PTTG1: variants seen among roughly 807,000 people sequenced by gnomAD.
PTTG1 encodes securin.
In PTTG1, 8 loss-of-function variants were observed where a neutral mutation model predicts 20.0. That is an observed-to-expected ratio of 0.40 (90% CI 0.23 to 0.72). PTTG1 has a LOEUF of 0.72. PTTG1 is among the 30% of genes least tolerant of loss of function. The pLI is 0.38. For missense variants in PTTG1, 197 were observed against 236.0 expected, an observed-to-expected ratio of 0.83 and a Z score of 1.08; for synonymous variants, 79 against 87.2, an observed-to-expected ratio of 0.91 and a Z score of 0.52.
At chr5:160,423,362 C>G (rs1228458251) in intron 3 of PTTG1, among the ~76,000 whole-genome samples, 1 of 152,208 alleles carries the variant, frequency 6.6e-6, no homozygotes, top group Admixed American at 6.5e-5. Flanking sequence ...GCATGTTGAT[C>G]TTCGTGTGAG....
chr5:160,426,043 T>C (rs1348221177), intron 4 of PTTG1, among the ~76,000 whole-genome samples: 2 of 152,204 alleles, frequency 1.3e-5, no homozygotes, highest in African/African-American at 4.8e-5. Flanking sequence ...GAATGTTACC[T>C]AACACAATGG....
At chr5:160,422,604 TG>T (rs1200697805) in intron 2 of PTTG1, 104 bp from the exon 3 acceptor site, 9 of 1,326,914 alleles carry the variant, frequency 6.8e-6, no homozygotes, top group African/African-American at 1.5e-5. Context: ...CTACCAAAAG[TG>T]GGGGGTGGGT....
chr5:160,427,885 A>G lies in PTTG1; in HGVS notation c.529+12A>G, dbSNP rs780145186. The G allele has an allele frequency of 5.6e-6, 9 of 1,614,078 alleles. No individual in the cohort carries two copies. In the South Asian group the frequency reaches 7.7e-5, roughly 14 times the overall value. On this transcript the variant is annotated intron_variant, in intron 5 of 5. Coordinates refer to ENST00000352433, the MANE Select transcript of PTTG1 (RefSeq NM_004219.4). ...ACCATGGGAATCCAGTAAGTGAGCA[A>G]GTGCCCTTCTGGAAGGGCTGCAAAC...
At position 160,422,370 on chromosome 5, in the gene PTTG1, G is replaced by A. The variant is rs1461009511; in HGVS notation, c.58G>A (p.Ala20Thr). 5.0e-6 allele frequency: 8 copies of A among 1,614,110 alleles called. No homozygotes were observed. The change falls in exon 2 of 6, where the codon GCT (alanine) becomes ACT (threonine). Residue 20 changes from alanine (A) to threonine (T), a missense_variant. Coordinates refer to ENST00000352433, the MANE Select transcript of PTTG1 (RefSeq NM_004219.4). ...ENGEPGTRVVAKDGLKLGSGP... is the reference protein window; with the variant it reads ...ENGEPGTRVVTKDGLKLGSGP... ...TGGAGAACCAGGCACCCGTGTGGTT[G>A]CTAAGGATGGGCTGAAGCTGGGGTC...
chr5:160,428,487 A>G lies in PTTG1; in HGVS notation c.530-115A>G, dbSNP rs1211484008. ...AATGTGTCAGGAGGGGATGCAGGTG[A>G]TTGATTTGACAAAGGGAAAAACATG... On this transcript the variant is annotated intron_variant, in intron 5 of 5. Transcript: ENST00000352433. 3 of 912,238 alleles carry G rather than the reference A, an allele frequency of 3.3e-6. No individual in the cohort carries two copies. In the African/African-American group the frequency reaches 5.0e-5, roughly 15 times the overall value. 56.5% of individuals were successfully genotyped at this position (912,238 alleles called of 1,614,324 possible).
chr5:160,421,953 G>A, intron 1 of PTTG1, 62 bp downstream of exon 1: 1 of 192,898 alleles, frequency 5.2e-6, no homozygotes. Flanking sequence ...AAGGAGGCGG[G>A]CTGCGGCTGC....
chr5:160,427,343 A>G (rs1581086580), intron 4 of PTTG1, among the ~76,000 whole-genome samples: 2 of 152,236 alleles, frequency 1.3e-5, no homozygotes, highest in South Asian at 2.1e-4. Context: ...TTCTCATTTT[A>G]TCACACAGAA....
In PTTG1 at chr5:160,422,670, T is replaced by C. The variant is rs1165209235; in HGVS notation, c.92-39T>C. On this transcript the variant is annotated intron_variant, in intron 2 of 5. Transcript: ENST00000352433. ...CAGTATTTAAGTTGTACAGGTATTT[T>C]GCTGCTGGAATATTCTTATGGTAAG... is the stretch of plus-strand genomic sequence containing the variant. The C allele has an allele frequency of 3.1e-6, 5 of 1,606,488 alleles. No homozygotes were observed. The South Asian group carries it at 4.4e-5, about 14-fold the overall frequency.
At position 160,428,705 on chromosome 5, in the gene PTTG1, T is replaced by C. The variant is rs781207052; in HGVS notation, c.*24T>C. 14 of 1,583,574 alleles carry C rather than the reference T, an allele frequency of 8.8e-6. No individual in the cohort carries two copies. In the South Asian group the frequency reaches 1.4e-4, roughly 16 times the overall value. On this transcript the variant is annotated 3_prime_UTR_variant, in exon 6 of 6. Transcript: ENST00000352433. Reference sequence around the variant, plus strand: ...AAATTTCTTAGTGCTTCAGAGTTTGTGTGTATTTGTATTAATAAAGCATTC... The same window carrying C: ...AAATTTCTTAGTGCTTCAGAGTTTGCGTGTATTTGTATTAATAAAGCATTC...
intron 4 of PTTG1, among the ~76,000 whole-genome samples, chr5:160,426,835 G>A (rs567774857): frequency 1.3e-5 from 2 of 152,240 alleles, no homozygotes; most frequent in East Asian, 1.9e-4. Flanking sequence ...CTGAGGTCAC[G>A]AGTTCAAGAC....
rs1311160691 is a variant in PTTG1, at chr5:160,424,278, C to A, written c.318C>A (p.Ala106=). Residue 106 remains alanine, a synonymous_variant, in exon 4 of 6, where the codon GCC becomes GCA. Coordinates refer to ENST00000352433, the MANE Select transcript of PTTG1 (RefSeq NM_004219.4). ...TTAAAGCAAAAAGCTCTGTTCCTGC[C>A]TCAGATGATGCCTATCCAGAAATAG... is the stretch of plus-strand genomic sequence containing the variant. ...KTVKAKSSVP[A]SDDAYPEIEK... is the part of the protein sequence containing the mutation. 1 of 1,612,910 alleles carries A rather than the reference C, an allele frequency of 6.2e-7. No homozygotes were observed. Among genetic ancestry groups the A allele is most frequent in the African/African-American group, 1.3e-5 (1 of 75,010 alleles).
intron 4 of PTTG1, among the ~76,000 whole-genome samples, chr5:160,427,286 C>T (rs1765825102): frequency 6.6e-6 from 1 of 152,138 alleles, no homozygotes; most frequent in African/African-American, 2.4e-5. Context: ...TTGCACAAAT[C>T]CTTTTAATCG....
intron 1 of PTTG1, 143 bp downstream of exon 1, chr5:160,422,034 C>T: frequency 7.1e-6 from 2 of 281,994 alleles, no homozygotes; most frequent in Non-Finnish European, 1.4e-5. Context: ...CCCGTTTGAG[C>T]GTGGTCTCGG....
At chr5:160,427,438 G>C (rs1300327853) in intron 4 of PTTG1, among the ~76,000 whole-genome samples, 1 of 149,098 alleles carries the variant, frequency 6.7e-6, no homozygotes, top group African/African-American at 2.6e-5. Context: ...AGTGAAACTG[G>C]CATTTTTAAA....
chr5:160,425,444 C>T (rs574998042), intron 4 of PTTG1, among the ~76,000 whole-genome samples: 21 of 152,200 alleles, frequency 1.4e-4, no homozygotes, highest in Non-Finnish European at 2.4e-4. Context: ...AGAGATATTG[C>T]TAAGTGGCCC....
At chr5:160,423,576 A>G (rs1288145925) in intron 3 of PTTG1, among the ~76,000 whole-genome samples, 1 of 152,248 alleles carries the variant, frequency 6.6e-6, no homozygotes, top group African/African-American at 2.4e-5. Context: ...AAAATATTAA[A>G]TACAGGAATT....
chr5:160,422,712 T>C lies in PTTG1; in HGVS notation c.95T>C (p.Ile32Thr). The C allele has an allele frequency of 6.2e-7, 1 of 1,614,050 alleles. No homozygotes were observed. Among genetic ancestry groups the C allele is most frequent in the South Asian group, 1.1e-5 (1 of 91,074 alleles). The change falls in exon 3 of 6, where the codon ATC (isoleucine) becomes ACC (threonine). Residue 32 changes from isoleucine to threonine, a missense_variant. Coordinates refer to ENST00000352433, the MANE Select transcript of PTTG1 (RefSeq NM_004219.4). ...DGLKLGSGPS[I>T]KALDGRSQVS... Reference sequence around the variant, plus strand: ...TATGGTAAGACTTTTTCTTCAGCAATCAAAGCCTTAGATGGGAGATCTCAA... The same window carrying C: ...TATGGTAAGACTTTTTCTTCAGCAACCAAAGCCTTAGATGGGAGATCTCAA...
chr5:160,423,991 C>G (rs186271007), intron 3 of PTTG1, among the ~76,000 whole-genome samples: 1 of 152,304 alleles, frequency 6.6e-6, no homozygotes, highest in Admixed American at 6.5e-5. Flanking sequence ...TTGATTAGCT[C>G]TGAATTAACT....
intron 4 of PTTG1, among the ~76,000 whole-genome samples, chr5:160,425,334 G>A (rs982154200): frequency 6.6e-6 from 1 of 152,152 alleles, no homozygotes; most frequent in Non-Finnish European, 1.5e-5. Flanking sequence ...AAAATGTGGT[G>A]CATCCGTGCT....
Sources: allele counts gnomAD v4.1 joint callset (sites outside exome capture counted in the v4.1 genomes callset), GRCh38; gene constraint gnomAD v4.1.1; transcripts MANE v1.5; gene names NCBI Gene and HGNC (gene_info 2026-07-23, HGNC 2026-07-21).